Variants in ZNF480 observed in about 807,000 individuals in gnomAD.
ZNF480 encodes the protein zinc finger protein 480.
In ZNF480, 15 loss-of-function variants were observed where a neutral mutation model predicts 14.4. The ratio of observed to expected loss-of-function variants is 1.04; its 90% CI spans 0.70 to 1.60. The LOEUF (loss-of-function observed/expected upper bound fraction) is 1.60, where lower values mean the gene tolerates loss of function less well. Ranked by LOEUF, ZNF480 falls within the 40% of genes most tolerant of loss-of-function variation. ZNF480 has a pLI of 0.00. For synonymous variants in ZNF480, 218 were observed against 215.5 expected, an observed-to-expected ratio of 1.01 and a Z score of -0.10; for missense variants, 593 against 629.7, an observed-to-expected ratio of 0.94 and a Z score of 0.62.
At chr19:52,304,404 C>T (rs1202012303) in intron 2 of ZNF480, among the ~76,000 whole-genome samples, 2 of 152,122 alleles carry the variant, frequency 1.3e-5, no homozygotes. Context: ...TTCTTAATAA[C>T]AAAGACTGGA....
intron 4 of ZNF480, among the ~76,000 whole-genome samples, chr19:52,319,313 G>A (rs929755353): frequency 1.2e-4 from 18 of 152,062 alleles, no homozygotes; most frequent in African/African-American, 4.8e-5. Context: ...CTTCTTTATC[G>A]AGGAAAATCT....
At chr19:52,316,091 G>C in intron 4 of ZNF480, 129 bp downstream of exon 4, 8 of 949,796 alleles carry the variant, frequency 8.4e-6, no homozygotes, top group Non-Finnish European at 8.8e-6. Flanking sequence ...GAGTTTCACT[G>C]TCATGAAACA....
chr19:52,314,014 AC>A, intron 2 of ZNF480, 138 bp from the exon 3 acceptor site: 1 of 955,322 alleles, frequency 1.0e-6, no homozygotes. Context: ...CAGACACATA[AC>A]TACATCACAG....
intron 2 of ZNF480, among the ~76,000 whole-genome samples, chr19:52,310,021 C>CT (rs1040965815): frequency 5.3e-5 from 8 of 151,272 alleles, no homozygotes; most frequent in Non-Finnish European, 1.2e-4. Context: ...ATATTTTTTT[C>CT]TTTTTTTTAA....
chr19:52,321,448 C>G (rs559795139), intron 4 of ZNF480, 131 bp from the exon 5 acceptor site: 2 of 741,114 alleles, frequency 2.7e-6, no homozygotes, highest in Non-Finnish European at 4.2e-6. Flanking sequence ...GCACAACCAG[C>G]GTGATGTACA....
chr19:52,311,747 T>C (rs1983297319), intron 2 of ZNF480, among the ~76,000 whole-genome samples: 1 of 151,978 alleles, frequency 6.6e-6, no homozygotes, highest in Non-Finnish European at 1.5e-5. Flanking sequence ...TTCAAGGCCA[T>C]AGTACACTGT....
chr19:52,299,234 C>T (rs956931024), intron 1 of ZNF480, among the ~76,000 whole-genome samples: 1 of 152,186 alleles, frequency 6.6e-6, no homozygotes, highest in African/African-American at 2.4e-5. Flanking sequence ...TTTTCCTACT[C>T]TTGCAGTCAA....
intron 4 of ZNF480, among the ~76,000 whole-genome samples, chr19:52,319,466 T>C (rs746691745): frequency 1.2e-4 from 18 of 152,206 alleles, no homozygotes; most frequent in Non-Finnish European, 2.2e-4. Flanking sequence ...TACCTTTTCC[T>C]CTAAATGGCA....
intron 2 of ZNF480, among the ~76,000 whole-genome samples, chr19:52,304,991 T>C (rs181824551): frequency 2.4e-3 from 367 of 152,008 alleles, no homozygotes; most frequent in African/African-American, 8.7e-3. Flanking sequence ...CCCAGCTACT[T>C]GGGAGGCTGA....
At chr19:52,316,008 CT>C (rs568704933) in intron 4 of ZNF480, 46 bp downstream of exon 4, 500 of 1,465,514 alleles carry the variant, frequency 3.4e-4, no homozygotes, top group South Asian at 1.3e-3. Context: ...GTTGTTTGGG[CT>C]TTTTTTTTGT....
chr19:52,318,798 T>G (rs543084226), intron 4 of ZNF480, among the ~76,000 whole-genome samples: 67 of 152,284 alleles, frequency 4.4e-4, no homozygotes, highest in African/African-American at 1.6e-3. Flanking sequence ...GTCTTGACAT[T>G]TTGATTGAAC....
chr19:52,314,558 C>T (rs905767081), intron 3 of ZNF480, among the ~76,000 whole-genome samples: 2 of 148,298 alleles, frequency 1.3e-5, no homozygotes, highest in Admixed American at 1.3e-4. Context: ...AATCCCAGCA[C>T]TTTGGGAGGC....
chr19:52,314,420 G>GCA (rs1983446653), intron 3 of ZNF480, 141 bp downstream of exon 3: 17 of 583,328 alleles, frequency 2.9e-5, no homozygotes, highest in South Asian at 7.4e-5. Flanking sequence ...CAGAGGTTTT[G>GCA]GTGAGCCGAG....
chr19:52,309,120 TATG>T (rs1438755162), intron 2 of ZNF480, among the ~76,000 whole-genome samples: 5 of 152,230 alleles, frequency 3.3e-5, no homozygotes. Flanking sequence ...GTGATTGTTT[TATG>T]ATACTTTATT....
At position 52,322,141 on chromosome 19, in the gene ZNF480, T is replaced by C. The variant is rs1283650540; in HGVS notation, c.891T>C (p.Ser297=). ...YECNECGKVF[S]NNSYLARHQR... is the part of the protein sequence containing the mutation. ...GTAATGAATGTGGTAAAGTCTTCAG[T>C]AATAATTCTTACCTTGCACGACATC... The change falls in exon 5 of 5, where the codon AGT becomes AGC. Residue 297 remains serine (S), a synonymous_variant. Coordinates refer to ENST00000595962, the MANE Select transcript of ZNF480 (RefSeq NM_144684.4). The C allele has an allele frequency of 6.2e-7, 1 of 1,613,970 alleles. No individual in the cohort carries two copies. The highest frequency in any genetic ancestry group is 1.1e-5 in the South Asian group (1 of 91,080).
intron 3 of ZNF480, among the ~76,000 whole-genome samples, 156 bp downstream of exon 3, chr19:52,314,435 C>A (rs575147541): frequency 7.9e-6 from 1 of 126,236 alleles, no homozygotes; most frequent in East Asian, 2.3e-4. Context: ...GCCGAGATCA[C>A]GTCATTGCCA....
At chr19:52,299,292 AATGTGTGGGGATTTCT>A (rs1316543001) in intron 1 of ZNF480, among the ~76,000 whole-genome samples, 27 of 152,330 alleles carry the variant, frequency 1.8e-4, no homozygotes, top group African/African-American at 6.3e-4. Flanking sequence ...TGATGAACAA[AATGTGTGGGGATTTCT>A]TCCCACCAAC....
Position 52,323,512 on chromosome 19 carries a change from G to A in ZNF480, c.*654G>A, listed in dbSNP as rs1187443224. ...GCACAATGAAAAAAGAAAACTTCAGGCTGGTACTCCTGACGAATATAGGTG... is the reference window on the plus strand; with the variant it reads ...GCACAATGAAAAAAGAAAACTTCAGACTGGTACTCCTGACGAATATAGGTG... On this transcript the variant is annotated 3_prime_UTR_variant, in exon 5 of 5. Coordinates refer to ENST00000595962, the MANE Select transcript of ZNF480 (RefSeq NM_144684.4). 6.6e-6 allele frequency: 1 copy of A among 151,950 alleles called. No homozygotes were observed. The highest frequency in any genetic ancestry group is 1.5e-5 in the Non-Finnish European group (1 of 67,970). 9.4% of individuals were successfully genotyped at this position (151,950 alleles called of 1,614,324 possible). A position where few individuals can be genotyped will look rare whatever the true frequency, so the allele number is the denominator to read the frequency against.
chr19:52,314,078 C>A, intron 2 of ZNF480, 75 bp from the exon 3 acceptor site: 4 of 1,444,892 alleles, frequency 2.8e-6, no homozygotes, highest in Admixed American at 2.0e-5. Context: ...TTAATCTTTA[C>A]AACTCCCTTC....
Sources: allele counts gnomAD v4.1 joint callset (sites outside exome capture counted in the v4.1 genomes callset), GRCh38; gene constraint gnomAD v4.1.1; transcripts MANE v1.5; gene names NCBI Gene and HGNC (gene_info 2026-07-23, HGNC 2026-07-21).